TFEB: variants seen among roughly 807,000 people sequenced by gnomAD.
TFEB encodes the protein T-cell transcription factor EB.
TFEB carries 12 observed loss-of-function variants against 48.0 expected under a neutral mutation model. The ratio of observed to expected loss-of-function variants is 0.25; its 90% CI spans 0.16 to 0.40. The LOEUF is 0.40. TFEB is among the 10% of genes least tolerant of loss of function. The probability of loss-of-function intolerance (pLI) is 1.00; values close to 1 mark genes in which losing one functional copy is unlikely to be tolerated. For synonymous variants in TFEB, 244 were observed against 261.4 expected, an observed-to-expected ratio of 0.93 and a Z score of 0.64; for missense variants, 509 against 640.3, an observed-to-expected ratio of 0.79 and a Z score of 2.21.
intron 1 of TFEB, among the ~76,000 whole-genome samples, chr6:41,722,671 A>G (rs887011763): frequency 2.6e-5 from 4 of 152,256 alleles, no homozygotes; most frequent in Non-Finnish European, 5.9e-5. Context: ...TGGGCACAGT[A>G]CCTGACATGG....
At chr6:41,708,289 A>T (rs1452634729) in intron 1 of TFEB, among the ~76,000 whole-genome samples, 1 of 152,152 alleles carries the variant, frequency 6.6e-6, no homozygotes, top group Non-Finnish European at 1.5e-5. Context: ...AGAAAGGGAG[A>T]TGTGGGAAGA....
In TFEB at chr6:41,733,586, G is replaced by A. The variant is rs530366261; in HGVS notation, c.-23+1764C>T. 52 of 984,910 alleles carry A rather than the reference G, an allele frequency of 5.3e-5. No individual in the cohort carries two copies. The Admixed American group carries it at 2.2e-3, about 42-fold the overall frequency. 61.0% of individuals were successfully genotyped at this position (984,910 alleles called of 1,614,324 possible). On this transcript the variant is annotated intron_variant, in intron 1 of 8. Coordinates refer to ENST00000373033, the MANE Select transcript of TFEB (RefSeq NM_001271944.2). ...CCAGCTCTCCGGGCCCCGCGGCCAG[G>A]AGGCAGACGGAGAGAAGGGAGCCAG...
intron 1 of TFEB, among the ~76,000 whole-genome samples, chr6:41,697,510 C>CG (rs533860910): frequency 7.3e-5 from 11 of 151,108 alleles, no homozygotes; most frequent in South Asian, 2.1e-4. Context: ...CAAACCCCCC[C>CG]CCTTCCCCAA....
rs1183247770 is a variant in TFEB at position 41,720,653 on chromosome 6, G to A, written c.-23+14697C>T. The A allele has an allele frequency of 1.3e-5, 2 of 152,124 alleles. No homozygotes were observed. Among genetic ancestry groups the A allele is most frequent in the East Asian group, 1.9e-4 (1 of 5,172 alleles). 9.4% of individuals were successfully genotyped at this position (152,124 alleles called of 1,614,324 possible). The stretch of plus-strand genomic sequence containing the variant: ...ATAGTGGGAAGTCTTCTGGCTTCTG[G>A]ATAGGGCTCAAGCTGAGAGCCAGGT... On this transcript the variant is annotated intron_variant, in intron 1 of 8. Transcript: ENST00000373033. This position sits in a 1 kb window ranked among gnomAD's most constrained non-coding sequence, Gnocchi z 4.1.
At chr6:41,686,760 C>T in intron 7 of TFEB, 1 of 345,448 alleles carries the variant, frequency 2.9e-6, no homozygotes, top group South Asian at 3.6e-5. Context: ...AAGTGATCTG[C>T]CTGCCTCAGC....
At chr6:41,688,264 A>C in intron 4 of TFEB, 1 of 488,484 alleles carries the variant, frequency 2.0e-6, no homozygotes, top group Non-Finnish European at 3.6e-6. Flanking sequence ...AGAGTGATCC[A>C]ACCAATAATA....
intron 1 of TFEB, among the ~76,000 whole-genome samples, chr6:41,721,124 T>C (rs1770961561): frequency 1.3e-5 from 2 of 151,830 alleles, no homozygotes; most frequent in South Asian, 4.2e-4. Flanking sequence ...CTCTGACCAC[T>C]CTGCTCCCTC....
chr6:41,727,493 C>G (rs888706508), intron 1 of TFEB, among the ~76,000 whole-genome samples: 3 of 152,210 alleles, frequency 2.0e-5, no homozygotes, highest in Admixed American at 2.0e-4. Flanking sequence ...GAGTTTGAGA[C>G]CAGCCTGGGC....
At position 41,735,347 on chromosome 6, in the gene TFEB, C is replaced by T; in HGVS notation, c.-23+3G>A. On this transcript the variant is annotated splice_donor_region_variant and intron_variant, in intron 1 of 8. Coordinates refer to ENST00000373033, the MANE Select transcript of TFEB (RefSeq NM_001271944.2). ...GTGCCTCTCGCTCCCCGGTCCCGCTCACCTCGCTCTGAAGGTCAATCTGTC... is the reference window on the plus strand; with the variant it reads ...GTGCCTCTCGCTCCCCGGTCCCGCTTACCTCGCTCTGAAGGTCAATCTGTC... The T allele has an allele frequency of 2.0e-6, 2 of 985,210 alleles. No individual in the cohort carries two copies. The highest frequency in any genetic ancestry group is 2.4e-6 in the Non-Finnish European group (2 of 829,974). 61.0% of individuals were successfully genotyped at this position (985,210 alleles called of 1,614,324 possible).
chr6:41,733,207 G>C (rs947539581), intron 1 of TFEB: 1 of 266,458 alleles, frequency 3.8e-6, no homozygotes, highest in Admixed American at 6.5e-5. Context: ...GAGGAGGCCT[G>C]TGACAGCGCA....
chr6:41,725,607 A>C lies in TFEB; in HGVS notation c.-23+9743T>G, dbSNP rs534110896. Among the ~76,000 whole-genome samples, 28 of 152,340 alleles carry C rather than the reference A, an allele frequency of 1.8e-4. No individual in the cohort carries two copies. In the South Asian group the frequency reaches 5.8e-3, roughly 32 times the overall value. On this transcript the variant is annotated intron_variant, in intron 1 of 8. Transcript: ENST00000373033. ...CATGCCAACCCCCTTCCTGGCATTC[A>C]ATATTACCCTGATCTTTCAACCGTT...
In TFEB at chr6:41,723,959, G is replaced by C. The variant is rs1029038720; in HGVS notation, c.-23+11391C>G. 4 of 509,258 alleles carry C rather than the reference G, an allele frequency of 7.9e-6. No homozygotes were observed. The highest frequency in any genetic ancestry group is 1.9e-5 in the African/African-American group (1 of 51,546). The allele number at this position is 509,258 out of a possible 1,614,324, so 31.5% of individuals were successfully genotyped here. A position where few individuals can be genotyped will look rare whatever the true frequency, so the allele number is the denominator to read the frequency against. Reference sequence around the variant, plus strand: ...CTAGAGACATGTGTCCTTCTAGCCAGAAGCCCCACAGCTCACCATCTTCCT... The same window carrying C: ...CTAGAGACATGTGTCCTTCTAGCCACAAGCCCCACAGCTCACCATCTTCCT... On this transcript the variant is annotated intron_variant, in intron 1 of 8. Coordinates refer to ENST00000373033, the MANE Select transcript of TFEB (RefSeq NM_001271944.2). This position sits in a 1 kb window ranked among gnomAD's most constrained non-coding sequence, Gnocchi z 6.0.
chr6:41,724,836 C>T lies in TFEB; in HGVS notation c.-23+10514G>A, dbSNP rs554160886. Among the ~76,000 whole-genome samples, 2 of 152,332 alleles carry T rather than the reference C, an allele frequency of 1.3e-5. No individual in the cohort carries two copies. Among genetic ancestry groups the T allele is most frequent in the South Asian group, 4.1e-4 (2 of 4,828 alleles). The stretch of plus-strand genomic sequence containing the variant: ...CTGTGGGGGAAGCGCCTCACAGCCC[C>T]TGCAGCAGCACGAACCAGGACTGAG... On this transcript the variant is annotated intron_variant, in intron 1 of 8. Coordinates refer to ENST00000373033, the MANE Select transcript of TFEB (RefSeq NM_001271944.2). This position sits in a 1 kb window ranked among gnomAD's most constrained non-coding sequence, Gnocchi z 4.4.
At chr6:41,712,400 T>C (rs1770522042) in intron 1 of TFEB, among the ~76,000 whole-genome samples, 2 of 152,220 alleles carry the variant, frequency 1.3e-5, no homozygotes, top group South Asian at 2.1e-4. Context: ...ACGAGACCAG[T>C]AAGGGGCTCA....
chr6:41,686,845 T>A (rs1326107623), intron 7 of TFEB: 2 of 544,944 alleles, frequency 3.7e-6, no homozygotes, highest in South Asian at 4.5e-5. Context: ...GAAAACTTTC[T>A]CAGCATGACT....
chr6:41,684,261 A>C lies in TFEB; in HGVS notation c.*338T>G. 1 of 266,746 alleles carries C rather than the reference A, an allele frequency of 3.7e-6. No individual in the cohort carries two copies. Among genetic ancestry groups the C allele is most frequent in the Non-Finnish European group, 7.1e-6 (1 of 141,288 alleles). The allele number at this position is 266,746 out of a possible 1,614,324, so 16.5% of individuals were successfully genotyped here. A position where few individuals can be genotyped will look rare whatever the true frequency, so the allele number is the denominator to read the frequency against. On this transcript the variant is annotated 3_prime_UTR_variant, in exon 9 of 9. Transcript: ENST00000373033. The stretch of plus-strand genomic sequence containing the variant: ...CCCCTCAAGCATGTCCTTCACTGGT[A>C]ATGAGGGGCTCGGGCTCAGAAGACA...
chr6:41,735,492 C>G lies in TFEB; in HGVS notation c.-165G>C, dbSNP rs1469476994. The G allele has an allele frequency of 1.4e-5, 14 of 984,646 alleles. No individual in the cohort carries two copies. Among genetic ancestry groups the G allele is most frequent in the Non-Finnish European group, 1.4e-5 (12 of 829,752 alleles). 61.0% of individuals were successfully genotyped at this position (984,646 alleles called of 1,614,324 possible). ...CCCGTGCCACCAGGGAGGCCCGCCC[C>G]GTCCGCCCTTCCCGCCGCCGTCGGC... On this transcript the variant is annotated 5_prime_UTR_variant, in exon 1 of 9. Coordinates refer to ENST00000373033, the MANE Select transcript of TFEB (RefSeq NM_001271944.2).
chr6:41,684,367 G>T lies in TFEB; in HGVS notation c.*232C>A. 2.4e-6 allele frequency: 1 copy of T among 421,478 alleles called. No individual in the cohort carries two copies. Among genetic ancestry groups the T allele is most frequent in the Non-Finnish European group, 4.1e-6 (1 of 244,572 alleles). The allele number at this position is 421,478 out of a possible 1,614,324, so 26.1% of individuals were successfully genotyped here. On this transcript the variant is annotated 3_prime_UTR_variant, in exon 9 of 9. Transcript: ENST00000373033. The stretch of plus-strand genomic sequence containing the variant: ...CCGCGATTCCATCTCCGGGAGAGGG[G>T]CTGAAGGCCTCTTCCCACTGCGCCA...
intron 1 of TFEB, among the ~76,000 whole-genome samples, chr6:41,697,448 T>C (rs1259199811): frequency 8.6e-6 from 1 of 116,278 alleles, no homozygotes; most frequent in Non-Finnish European, 1.8e-5. Flanking sequence ...AGACGTTAAA[T>C]AGTTTAAAAG....
Sources: allele counts gnomAD v4.1 joint callset (sites outside exome capture counted in the v4.1 genomes callset), GRCh38; gene constraint gnomAD v4.1.1; non-coding constraint Gnocchi (gnomAD v3.1); transcripts MANE v1.5; gene names NCBI Gene and HGNC (gene_info 2026-07-23, HGNC 2026-07-21).